ATP13A5: variants seen among roughly 807,000 people sequenced by gnomAD.
ATP13A5 encodes the protein ATPase 13A5.
ATP13A5 carries 149 observed loss-of-function variants against 150.2 expected under a neutral mutation model. The ratio of observed to expected loss-of-function variants is 0.99; its 90% CI spans 0.87 to 1.14. The LOEUF is 1.14. ATP13A5 is among the 50% of genes most tolerant of loss of function. The pLI is 0.00. For synonymous variants in ATP13A5, 497 were observed against 522.2 expected, an observed-to-expected ratio of 0.95 and a Z score of 0.66; for missense variants, 1,383 against 1,449.3, an observed-to-expected ratio of 0.95 and a Z score of 0.74.
chr3:193,301,533 A>C (rs1718395047), intron 23 of ATP13A5, among the ~76,000 whole-genome samples: 1 of 152,236 alleles, frequency 6.6e-6, no homozygotes, highest in Non-Finnish European at 1.5e-5. Context: ...CTTATGAAGT[A>C]CCAGCATTAT....
chr3:193,361,659 A>G (rs1713010247), intron 5 of ATP13A5, among the ~76,000 whole-genome samples: 1 of 152,168 alleles, frequency 6.6e-6, no homozygotes, highest in Non-Finnish European at 1.5e-5. Flanking sequence ...ATAATAGCTG[A>G]AGAAAGCAGG....
At chr3:193,337,676 C>A (rs2108879216) in intron 9 of ATP13A5, among the ~76,000 whole-genome samples, 1 of 152,256 alleles carries the variant, frequency 6.6e-6, no homozygotes, top group South Asian at 2.1e-4. Context: ...ATGCCTCCAG[C>A]TTCATTATTT....
At chr3:193,362,704 T>C (rs1713064711) in intron 3 of ATP13A5, 67 bp from the exon 4 acceptor site, 4 of 1,424,790 alleles carry the variant, frequency 2.8e-6, no homozygotes, top group Non-Finnish European at 4.0e-6. Context: ...GAGGGAGTGG[T>C]GTCCAATGCA....
At chr3:193,346,295 T>C (rs1712333212) in intron 7 of ATP13A5, among the ~76,000 whole-genome samples, 1 of 152,174 alleles carries the variant, frequency 6.6e-6, no homozygotes, top group Non-Finnish European at 1.5e-5. Context: ...GATCGTTTAT[T>C]GAGTTAGGAC....
intron 1 of ATP13A5, among the ~76,000 whole-genome samples, chr3:193,377,376 A>T (rs995033163): frequency 6.6e-6 from 1 of 152,242 alleles, no homozygotes; most frequent in Non-Finnish European, 1.5e-5. Flanking sequence ...CACATTAAAG[A>T]TGTAAAGAGA....
rs1055374535 is a variant in ATP13A5, at chr3:193,275,153, G to T, written c.3546C>A (p.Gly1182=). 1.2e-6 allele frequency: 2 copies of T among 1,614,046 alleles called. No individual in the cohort carries two copies. The highest frequency in any genetic ancestry group is 1.7e-6 in the Non-Finnish European group (2 of 1,179,978). The part of the protein sequence containing the change: ...PINRTDYSGD[G]KNGFYINGGY... Reference sequence around the variant, plus strand: ...CTCCGTTGATGTAGAATCCATTTTTGCCATCACCTGAATAATCTGTCCTGT... The same window carrying T: ...CTCCGTTGATGTAGAATCCATTTTTTCCATCACCTGAATAATCTGTCCTGT... The change falls in exon 30 of 30, where the codon GGC becomes GGA. Residue 1182 remains glycine, a synonymous_variant. Coordinates refer to ENST00000342358, the MANE Select transcript of ATP13A5 (RefSeq NM_198505.4).
At chr3:193,354,940 C>CTTTTTTTTTTTTTTTTTT (rs545467259) in intron 5 of ATP13A5, among the ~76,000 whole-genome samples, 7 of 127,964 alleles carry the variant, frequency 5.5e-5, no homozygotes, top group Non-Finnish European at 4.9e-5. Context: ...AACAATGTAA[C>CTTTTTTTTTTTTTTTTTT]TTTTTTTTTG....
At chr3:193,309,301 A>G (rs1037658647) in intron 21 of ATP13A5, among the ~76,000 whole-genome samples, 3 of 152,206 alleles carry the variant, frequency 2.0e-5, no homozygotes, top group Non-Finnish European at 4.4e-5. Context: ...ATATCTTCTA[A>G]TGGACCAACC....
At chr3:193,357,695 C>A (rs183500104) in intron 5 of ATP13A5, among the ~76,000 whole-genome samples, 2 of 152,270 alleles carry the variant, frequency 1.3e-5, no homozygotes, top group Non-Finnish European at 2.9e-5. Flanking sequence ...ATTAAGCAGA[C>A]CTGCCTAATA....
Position 193,343,954 on chromosome 3 carries a change from A to C in ATP13A5, c.916T>G (p.Cys306Gly). 6.2e-7 allele frequency: 1 copy of C among 1,613,366 alleles called. No homozygotes were observed. The highest frequency in any genetic ancestry group is 8.5e-7 in the Non-Finnish European group (1 of 1,179,550). Reference protein sequence around the residue: ...PCDAVLIDGSCVVNEGMLTGE... With the variant: ...PCDAVLIDGSGVVNEGMLTGE... ...GTAAGCATGCCTTCATTCACCACGC[A>C]GCTTCCATCAATCAAAACAGCATCA... The change falls in exon 9 of 30, where the codon TGC (cysteine) becomes GGC (glycine). Residue 306 changes from cysteine to glycine, a missense_variant. Cys to Gly is a radical substitution (Grantham distance 159). Coordinates refer to ENST00000342358, the MANE Select transcript of ATP13A5 (RefSeq NM_198505.4).
intron 7 of ATP13A5, among the ~76,000 whole-genome samples, chr3:193,348,660 CACTT>C (rs1712446058): frequency 6.6e-6 from 1 of 152,164 alleles, no homozygotes; most frequent in East Asian, 1.9e-4. Flanking sequence ...CTCCTGCAAA[CACTT>C]ACTCTCTTAC....
chr3:193,321,786 G>A lies in ATP13A5; in HGVS notation c.1810C>T (p.Leu604=). ...TGAGCGATCACGGACATCCTCTGCA[G>A]GCTCGAGGAAAATGGAAACTGGCAC... ...TLCQFPFSSS[L]QRMSVIAQLA... Residue 604 remains leucine, a synonymous_variant, in exon 16 of 30, where the codon CTG becomes TTG. Coordinates refer to ENST00000342358, the MANE Select transcript of ATP13A5 (RefSeq NM_198505.4). The A allele has an allele frequency of 6.2e-7, 1 of 1,614,172 alleles. No individual in the cohort carries two copies. Among genetic ancestry groups the A allele is most frequent in the Non-Finnish European group, 8.5e-7 (1 of 1,180,008 alleles).
intron 9 of ATP13A5, among the ~76,000 whole-genome samples, chr3:193,342,004 G>C: frequency 6.6e-6 from 1 of 152,122 alleles, no homozygotes; most frequent in Non-Finnish European, 1.5e-5. Flanking sequence ...ATTTGGGAGC[G>C]AATGCCACCT....
intron 9 of ATP13A5, among the ~76,000 whole-genome samples, chr3:193,342,419 G>A (rs1712163457): frequency 6.6e-6 from 1 of 152,104 alleles, no homozygotes; most frequent in Non-Finnish European, 1.5e-5. Flanking sequence ...ACCAGACTGG[G>A]ATTTAGATCT....
intron 1 of ATP13A5, among the ~76,000 whole-genome samples, chr3:193,374,644 C>T (rs1472796409): frequency 2.2e-5 from 2 of 89,332 alleles, no homozygotes; most frequent in Admixed American, 1.2e-4. Flanking sequence ...GACCATGACA[C>T]ACACACACAC....
At chr3:193,318,946 C>T in intron 17 of ATP13A5, 45 bp downstream of exon 17, 1 of 1,387,168 alleles carries the variant, frequency 7.2e-7, no homozygotes, top group South Asian at 1.2e-5. Context: ...ACTCGCACTT[C>T]ATGGGCACAG....
chr3:193,298,095 G>A (rs994435639), intron 25 of ATP13A5, among the ~76,000 whole-genome samples: 3 of 152,088 alleles, frequency 2.0e-5, no homozygotes, highest in African/African-American at 7.2e-5. Context: ...AGGACAGTTA[G>A]CCAGAGGTCA....
At chr3:193,326,262 G>C (rs1313237053) in intron 13 of ATP13A5, among the ~76,000 whole-genome samples, 1 of 152,116 alleles carries the variant, frequency 6.6e-6, no homozygotes, top group Non-Finnish European at 1.5e-5. Context: ...GAAGGAGCTA[G>C]AAGCCACAGG....
chr3:193,344,553 T>C (rs921900056), intron 8 of ATP13A5, among the ~76,000 whole-genome samples: 1 of 152,170 alleles, frequency 6.6e-6, no homozygotes, highest in African/African-American at 2.4e-5. Context: ...AAAAGCCCCA[T>C]TCAGGCCCAG....
Sources: gnomAD v4.1 joint callset for allele counts (sites outside exome capture counted in the v4.1 genomes callset) on GRCh38, gnomAD v4.1.1 for gene constraint, MANE v1.5 for transcripts, NCBI Gene and HGNC (gene_info 2026-07-23, HGNC 2026-07-21) for gene names.